TGS1: variants seen among roughly 807,000 people sequenced by gnomAD.
The protein encoded by TGS1 is trimethylguanosine synthase.
A neutral mutation model predicts 92.2 loss-of-function variants in TGS1; 69 were observed. That is an observed-to-expected ratio of 0.75 (90% CI 0.62 to 0.91). The LOEUF is 0.91. Among genes scored for constraint, TGS1 ranks in the 40% least tolerant of loss-of-function variants. TGS1 has a pLI of 0.00. For missense variants in TGS1, 1,062 were observed against 1,001.2 expected (o/e 1.06, Z -0.82); for synonymous variants, 345 against 338.1 (o/e 1.02, Z -0.22).
chr8:55,825,285 T>C lies in TGS1; in HGVS notation c.*582T>C, dbSNP rs1213761824. The C allele has an allele frequency of 6.6e-6, 1 of 152,236 alleles. No homozygotes were observed. The highest frequency in any genetic ancestry group is 1.5e-5 in the Non-Finnish European group (1 of 68,050). 9.4% of individuals were successfully genotyped at this position (152,236 alleles called of 1,614,324 possible). Reference sequence around the variant, plus strand: ...AATATGAATACATTTATTTAGACTTTTTCTAGAACTTTCCTGTTTTCATGT... The same window carrying C: ...AATATGAATACATTTATTTAGACTTCTTCTAGAACTTTCCTGTTTTCATGT... On this transcript the variant is annotated 3_prime_UTR_variant, in exon 13 of 13. Transcript: ENST00000260129.
intron 10 of TGS1, among the ~76,000 whole-genome samples, chr8:55,810,569 A>G (rs1026258836): frequency 6.6e-6 from 1 of 152,264 alleles, no homozygotes; most frequent in Admixed American, 6.5e-5. Context: ...GCACAGCACA[A>G]TGGTGGCCAC....
Position 55,799,161 on chromosome 8 carries a change from C to G in TGS1, c.1790C>G (p.Pro597Arg), listed in dbSNP as rs182147512. Residue 597 changes from proline to arginine, a missense_variant, in exon 8 of 13, where the codon CCA (proline) becomes CGA (arginine). Pro to Arg is a moderately radical substitution (Grantham distance 103). Transcript: ENST00000260129. ...AGAGACAGCTTGCTAGCAACTGTTC[C>G]AGATGAGCAGGATTGTGTTACTCAA... ...YERDSLLATV[P>R]DEQDCVTQEV... 1.2e-4 allele frequency: 195 copies of G among 1,614,152 alleles called. 2 individuals are homozygous for G. In the East Asian group the frequency reaches 4.1e-3, roughly 34 times the overall value.
Position 55,798,903 on chromosome 8 carries a change from T to C in TGS1, c.1543-11T>C. 1.3e-6 allele frequency: 2 copies of C among 1,582,910 alleles called. No homozygotes were observed. Among genetic ancestry groups the C allele is most frequent in the Non-Finnish European group, 1.7e-6 (2 of 1,165,454 alleles). ...TTAATTCCTGCTCATGATGTCATCTTAAAATTTAAGGTAGAAAAATTCCTC... is the reference window on the plus strand; with the variant it reads ...TTAATTCCTGCTCATGATGTCATCTCAAAATTTAAGGTAGAAAAATTCCTC... On this transcript the variant is annotated splice_polypyrimidine_tract_variant and intron_variant, in intron 7 of 12. Coordinates refer to ENST00000260129, the MANE Select transcript of TGS1 (RefSeq NM_024831.8).
At chr8:55,813,746 C>CTAT (rs777385448) in intron 12 of TGS1, among the ~76,000 whole-genome samples, 42 of 152,202 alleles carry the variant, frequency 2.8e-4, no homozygotes, top group Non-Finnish European at 5.7e-4. Flanking sequence ...TCTGGGACAT[C>CTAT]TATTATAAGA....
chr8:55,822,807 T>A (rs541007843), intron 12 of TGS1, among the ~76,000 whole-genome samples: 32 of 152,326 alleles, frequency 2.1e-4, no homozygotes, highest in African/African-American at 7.0e-4. Context: ...TCCCTATTTC[T>A]GTGTCTGACT....
Position 55,773,504 on chromosome 8 carries a change from A to T in TGS1, c.-115A>T. On this transcript the variant is annotated 5_prime_UTR_variant, in exon 1 of 13. Transcript: ENST00000260129. ...CGCGAGCGGCCGCGGGCCAGTTTCT[A>T]TCTCCTCATCCAGGGCTTGCGGGCG... is the stretch of plus-strand genomic sequence containing the variant. 2.8e-6 allele frequency: 2 copies of T among 716,638 alleles called. No homozygotes were observed. Among genetic ancestry groups the T allele is most frequent in the Non-Finnish European group, 4.4e-6 (2 of 454,344 alleles). 44.4% of individuals were successfully genotyped at this position (716,638 alleles called of 1,614,324 possible). A position where few individuals can be genotyped will look rare whatever the true frequency, so the allele number is the denominator to read the frequency against.
intron 10 of TGS1, among the ~76,000 whole-genome samples, chr8:55,809,683 C>T (rs576957130): frequency 1.5e-4 from 23 of 152,194 alleles, no homozygotes; most frequent in Non-Finnish European, 3.4e-4. Flanking sequence ...GGTCCACCCG[C>T]CTCAGCCTCC....
chr8:55,783,283 G>A (rs1026900927), intron 2 of TGS1, among the ~76,000 whole-genome samples: 6 of 152,158 alleles, frequency 3.9e-5, no homozygotes, highest in African/African-American at 7.2e-5. Flanking sequence ...TCCAGGTATG[G>A]TGGTGGGCAC....
chr8:55,773,639 C>G lies in TGS1; in HGVS notation c.21C>G (p.Ser7Arg). 3 of 1,611,054 alleles carry G rather than the reference C, an allele frequency of 1.9e-6. No individual in the cohort carries two copies. The highest frequency in any genetic ancestry group is 2.5e-6 in the Non-Finnish European group (3 of 1,178,822). Residue 7 changes from serine to arginine, a missense_variant, in exon 1 of 13, where the codon AGC becomes AGG. Transcript: ENST00000260129. Reference protein sequence around the residue: MCCEKWSRVAEMFLFIE... With the variant: MCCEKWRRVAEMFLFIE... ...GTAAAATGTGCTGCGAGAAGTGGAG[C>G]CGCGTGGCGGAAATGTTTCTCTTCA...
chr8:55,811,913 C>T (rs556922043), intron 11 of TGS1, among the ~76,000 whole-genome samples: 5 of 152,178 alleles, frequency 3.3e-5, no homozygotes, highest in East Asian at 1.9e-4. Context: ...GTCATATTTC[C>T]GTTGCTTGCT....
intron 9 of TGS1, 132 bp downstream of exon 9, chr8:55,802,738 T>C: frequency 1.2e-6 from 1 of 834,706 alleles, no homozygotes; most frequent in Non-Finnish European, 1.8e-6. Context: ...TTTTGCCCCG[T>C]TTACGTTCTC....
In TGS1 at chr8:55,782,817, T is replaced by C. The variant is rs1408921235; in HGVS notation, c.166+5T>C. Reference sequence around the variant, plus strand: ...GAGACAGTGGCAACAATTCAGGTAATATAGTATAAAATTCTATAAACCTTT... The same window carrying C: ...GAGACAGTGGCAACAATTCAGGTAACATAGTATAAAATTCTATAAACCTTT... On this transcript the variant is annotated splice_donor_5th_base_variant and intron_variant, in intron 2 of 12. Transcript: ENST00000260129. 1 of 1,584,588 alleles carries C rather than the reference T, an allele frequency of 6.3e-7. No homozygotes were observed. The highest frequency in any genetic ancestry group is 1.2e-5 in the South Asian group (1 of 86,100).
intron 12 of TGS1, among the ~76,000 whole-genome samples, chr8:55,821,496 C>T (rs563249420): frequency 1.3e-5 from 2 of 152,152 alleles, no homozygotes; most frequent in Non-Finnish European, 2.9e-5. Context: ...AGACAACCCT[C>T]TGAAAGGTAT....
At chr8:55,801,195 G>T (rs1333951487) in intron 8 of TGS1, among the ~76,000 whole-genome samples, 1 of 152,204 alleles carries the variant, frequency 6.6e-6, no homozygotes, top group African/African-American at 2.4e-5. Context: ...TAACTTTTAT[G>T]TCTATAGCAG....
At chr8:55,782,606 A>G (rs1345371310) in intron 1 of TGS1, 142 bp from the exon 2 acceptor site, 5 of 582,312 alleles carry the variant, frequency 8.6e-6, no homozygotes, top group Middle Eastern at 3.8e-4. Flanking sequence ...CCTCTACATT[A>G]TAAGTGAGGG....
chr8:55,799,850 A>G (rs1435539082), intron 8 of TGS1, among the ~76,000 whole-genome samples: 1 of 152,168 alleles, frequency 6.6e-6, no homozygotes, highest in Non-Finnish European at 1.5e-5. Context: ...CTGGGATTAC[A>G]GACATGAGCC....
At chr8:55,807,742 G>C (rs1373445407) in intron 10 of TGS1, among the ~76,000 whole-genome samples, 2 of 151,384 alleles carry the variant, frequency 1.3e-5, no homozygotes, top group African/African-American at 4.9e-5. Context: ...TATTCCCCAG[G>C]CTGGTCTTAA....
intron 1 of TGS1, among the ~76,000 whole-genome samples, chr8:55,776,277 CTTTTT>C (rs71256565): frequency 1.0e-4 from 12 of 120,520 alleles, no homozygotes; most frequent in Non-Finnish European, 1.6e-4. Flanking sequence ...TTCACGGTGT[CTTTTT>C]TTTTTTTTTT....
Position 55,795,969 on chromosome 8 carries a change from C to G in TGS1, c.1368-9C>G, listed in dbSNP as rs746241448. 1.3e-6 allele frequency: 2 copies of G among 1,576,030 alleles called. No individual in the cohort carries two copies. The highest frequency in any genetic ancestry group is 1.7e-6 in the Non-Finnish European group (2 of 1,157,510). On this transcript the variant is annotated splice_polypyrimidine_tract_variant and intron_variant, in intron 6 of 12. Transcript: ENST00000260129. Reference sequence around the variant, plus strand: ...TAAGTTGTGAATAACTTCTTTTGATCTGTCACAGATATGGTGGAATCCCAA... The same window carrying G: ...TAAGTTGTGAATAACTTCTTTTGATGTGTCACAGATATGGTGGAATCCCAA...
Sources: gnomAD v4.1 joint callset for allele counts (sites outside exome capture counted in the v4.1 genomes callset) on GRCh38, gnomAD v4.1.1 for gene constraint, MANE v1.5 for transcripts, NCBI Gene and HGNC (gene_info 2026-07-23, HGNC 2026-07-21) for gene names.